MAP1LC3B2: variants seen among roughly 807,000 people sequenced by gnomAD.
MAP1LC3B2 encodes microtubule-associated protein 1 light chain 3 beta 2.
For missense variants in MAP1LC3B2, 155 were observed against 154.6 expected (o/e 1.00, Z -0.01); for synonymous variants, 62 against 57.8 (o/e 1.07, Z -0.33).
At chr12:116,571,816 G>A (rs1468416545) in intron 1 of MAP1LC3B2, among the ~76,000 whole-genome samples, 1 of 151,664 alleles carries the variant, frequency 6.6e-6, no homozygotes, top group East Asian at 1.9e-4. Flanking sequence ...ATTCTGAACT[G>A]TCTCTCCTTT....
Position 116,576,260 on chromosome 12 carries a change from T to C in MAP1LC3B2, c.318T>C (p.Asp106=). 6.2e-7 allele frequency: 1 copy of C among 1,614,094 alleles called. No individual in the cohort carries two copies. The highest frequency in any genetic ancestry group is 1.1e-5 in the South Asian group (1 of 91,068). Residue 106 remains aspartate (D), a synonymous_variant, in exon 2 of 2, where the codon GAT becomes GAC. Transcript: ENST00000556529. ...SEVYESEKDE[D]GFLYMVCASQ... ...TGTATGAGAGTGAGAAAGATGAAGA[T>C]GGATTCCTGTACATGGTCTGTGCCT...
chr12:116,576,092 A>G lies in MAP1LC3B2; in HGVS notation c.150A>G (p.Thr50=), dbSNP rs1358619923. The change falls in exon 2 of 2, where the codon ACA becomes ACG. Residue 50 remains threonine, a synonymous_variant. Coordinates refer to ENST00000556529, the MANE Select transcript of MAP1LC3B2 (RefSeq NM_001085481.3). The stretch of plus-strand genomic sequence containing the variant: ...AGCAGCTTCCTGTTCTGGATAAAAC[A>G]AAGTTCCTTGTACCTGACCATGTCA... ...GEKQLPVLDK[T]KFLVPDHVNM... 6.2e-7 allele frequency: 1 copy of G among 1,614,230 alleles called. No homozygotes were observed. Among genetic ancestry groups the G allele is most frequent in the Non-Finnish European group, 8.5e-7 (1 of 1,180,046 alleles).
At chr12:116,560,263 T>G (rs1869237013) in intron 1 of MAP1LC3B2, among the ~76,000 whole-genome samples, 1 of 144,456 alleles carries the variant, frequency 6.9e-6, no homozygotes. Flanking sequence ...TATATATATA[T>G]ATTTAGATAG....
intron 1 of MAP1LC3B2, among the ~76,000 whole-genome samples, chr12:116,571,976 A>AG (rs1181042240): frequency 9.9e-5 from 15 of 151,178 alleles, no homozygotes; most frequent in Non-Finnish European, 1.2e-4. Flanking sequence ...AAAAAAAAAA[A>AG]GGGTTAGGGA....
intron 1 of MAP1LC3B2, chr12:116,560,214 A>ATATATATATATATATATGTATATG (rs1869225610): frequency 4.8e-5 from 4 of 84,054 alleles, no homozygotes; most frequent in Non-Finnish European, 7.8e-5. Flanking sequence ...ATATATATAT[A>ATATATATATATATATATGTATATG]TATATATATA....
chr12:116,575,796 G>C (rs898910220), intron 1 of MAP1LC3B2, 46 bp from the exon 2 acceptor site: 2 of 857,612 alleles, frequency 2.3e-6, no homozygotes, highest in African/African-American at 3.4e-5. Flanking sequence ...AACATATACA[G>C]TTTCTGCCAC....
chr12:116,571,458 C>CTTTTTTTTTTTTTTTTTTTTTTTTTT (rs71095564), intron 1 of MAP1LC3B2, among the ~76,000 whole-genome samples: 3 of 48,112 alleles, frequency 6.2e-5, no homozygotes, highest in East Asian at 1.2e-3. Flanking sequence ...GACTGCTGTT[C>CTTTTTTTTTTTTTTTTTTTTTTTTTT]TTTTTTTTTT....
chr12:116,568,868 C>T (rs1398188489), intron 1 of MAP1LC3B2, among the ~76,000 whole-genome samples: 1 of 139,738 alleles, frequency 7.2e-6, no homozygotes, highest in Non-Finnish European at 1.5e-5. Context: ...TCTTTTCTTT[C>T]TTTTTTTTTT....
intron 1 of MAP1LC3B2, among the ~76,000 whole-genome samples, chr12:116,570,209 T>C (rs956560497): frequency 2.6e-5 from 4 of 152,216 alleles, no homozygotes; most frequent in Non-Finnish European, 5.9e-5. Flanking sequence ...CAATTTACAA[T>C]GGCTCAACTT....
chr12:116,560,498 C>T (rs928614415), intron 1 of MAP1LC3B2, among the ~76,000 whole-genome samples: 1 of 151,906 alleles, frequency 6.6e-6, no homozygotes, highest in South Asian at 2.1e-4. Flanking sequence ...CCGCCCACCT[C>T]GGCCTCCCAA....
chr12:116,573,781 T>G (rs540700012), intron 1 of MAP1LC3B2, among the ~76,000 whole-genome samples: 1 of 152,354 alleles, frequency 6.6e-6, no homozygotes, highest in African/African-American at 2.4e-5. Context: ...CTGCCCAAAG[T>G]TCTGGCATGA....
chr12:116,570,929 T>C (rs551448946), intron 1 of MAP1LC3B2, among the ~76,000 whole-genome samples: 26 of 152,370 alleles, frequency 1.7e-4, no homozygotes, highest in African/African-American at 6.3e-4. Flanking sequence ...AGTAACAAGG[T>C]ATATAAGAAA....
At position 116,575,843 on chromosome 12, in the gene MAP1LC3B2, C is replaced by CT; in HGVS notation, c.-98dup. The CT allele has an allele frequency of 7.0e-7, 1 of 1,424,848 alleles. No homozygotes were observed. The highest frequency in any genetic ancestry group is 9.8e-7 in the Non-Finnish European group (1 of 1,022,722). 88.3% of individuals were successfully genotyped at this position (1,424,848 alleles called of 1,614,324 possible). ...TCTGTTGTTATTGTGCAAAAATAGC[C>CT]TTACACGGCCACAGTCGGATTCGCT... On this transcript the variant is annotated splice_region_variant and 5_prime_UTR_variant, in exon 2 of 2. Coordinates refer to ENST00000556529, the MANE Select transcript of MAP1LC3B2 (RefSeq NM_001085481.3).
chr12:116,564,005 A>C (rs926426109), intron 1 of MAP1LC3B2, among the ~76,000 whole-genome samples: 1 of 152,032 alleles, frequency 6.6e-6, no homozygotes, highest in African/African-American at 2.4e-5. Context: ...TCAGCCTCCA[A>C]AGTAGCTGGG....
chr12:116,574,285 A>G (rs998270449), intron 1 of MAP1LC3B2, among the ~76,000 whole-genome samples: 3 of 151,956 alleles, frequency 2.0e-5, no homozygotes, highest in South Asian at 4.1e-4. Flanking sequence ...AATGTACATT[A>G]ACAAAAACAT....
intron 1 of MAP1LC3B2, among the ~76,000 whole-genome samples, chr12:116,570,040 G>A (rs1168203024): frequency 6.6e-6 from 1 of 151,998 alleles, no homozygotes; most frequent in Admixed American, 6.6e-5. Context: ...GCCACAGAGT[G>A]AGACTCCATC....
chr12:116,569,778 A>G, intron 1 of MAP1LC3B2, among the ~76,000 whole-genome samples: 1 of 152,198 alleles, frequency 6.6e-6, no homozygotes, highest in Non-Finnish European at 1.5e-5. Flanking sequence ...ATAACAGGCC[A>G]GGCATGGTGG....
chr12:116,563,957 C>T (rs1375141114), intron 1 of MAP1LC3B2, among the ~76,000 whole-genome samples: 1 of 152,076 alleles, frequency 6.6e-6, no homozygotes, highest in Non-Finnish European at 1.5e-5. Flanking sequence ...GTTGCCCAGG[C>T]TGGCCCCAAA....
At chr12:116,575,637 C>T (rs1411764950) in intron 1 of MAP1LC3B2, among the ~76,000 whole-genome samples, 3 of 152,102 alleles carry the variant, frequency 2.0e-5, no homozygotes, top group South Asian at 2.1e-4. Context: ...TCAATAAAGC[C>T]AAGATTTCCC....
Sources: allele counts gnomAD v4.1 joint callset (sites outside exome capture counted in the v4.1 genomes callset), GRCh38; gene constraint gnomAD v4.1.1; transcripts MANE v1.5; gene names NCBI Gene and HGNC (gene_info 2026-07-23, HGNC 2026-07-21).